The following FBXW7 variants were observed in gnomAD, a reference collection of about 807,000 sequenced individuals.
The protein encoded by FBXW7 is F-box and WD repeat domain containing 7, also known as F-box/WD repeat-containing protein 7.
Under a neutral mutation model 86.3 loss-of-function variants are expected in FBXW7, and 11 were observed. The observed-to-expected ratio is 0.13, with a 90% CI of 0.08 to 0.21. FBXW7 has a LOEUF of 0.21. FBXW7 is among the 10% of genes least tolerant of loss of function. FBXW7 has a pLI of 1.00. For synonymous variants in FBXW7, 313 were observed against 297.9 expected, an observed-to-expected ratio of 1.05 and a Z score of -0.52; for missense variants, 488 against 847.4, an observed-to-expected ratio of 0.58 and a Z score of 5.27.
chr4:152,439,821 G>A (rs563322905), intron 2 of FBXW7, among the ~76,000 whole-genome samples: 2 of 148,326 alleles, frequency 1.3e-5, no homozygotes, highest in African/African-American at 2.5e-5. Context: ...AGCCAAGATC[G>A]TGCCACTGCA....
chr4:152,439,865 C>CAA (rs35657415), intron 2 of FBXW7, among the ~76,000 whole-genome samples: 38 of 56,996 alleles, frequency 6.7e-4, no homozygotes, highest in Admixed American at 1.3e-3. Flanking sequence ...GACTCCGTCA[C>CAA]AAAAAAAAAA....
At chr4:152,328,499 G>T in intron 10 of FBXW7, 110 bp from the exon 11 acceptor site, 1 of 672,460 alleles carries the variant, frequency 1.5e-6, no homozygotes, top group Non-Finnish European at 2.4e-6. Flanking sequence ...AATTTGTTTG[G>T]CTCTTCAGAA....
chr4:152,414,272 T>C (rs892451883), intron 2 of FBXW7, among the ~76,000 whole-genome samples: 1 of 152,124 alleles, frequency 6.6e-6, no homozygotes, highest in Non-Finnish European at 1.5e-5. Flanking sequence ...CTTCAGGCTA[T>C]GTTTGGGGGC....
chr4:152,372,818 A>C (rs980776413), intron 4 of FBXW7, among the ~76,000 whole-genome samples: 57 of 152,022 alleles, frequency 3.7e-4, no homozygotes, highest in African/African-American at 1.4e-3. Context: ...TGTTACATAA[A>C]AGACAAAATC....
At chr4:152,469,120 T>C (rs1337072993) in intron 2 of FBXW7, among the ~76,000 whole-genome samples, 3 of 152,092 alleles carry the variant, frequency 2.0e-5, no homozygotes, top group Non-Finnish European at 2.9e-5. Flanking sequence ...AAGAAGCCAA[T>C]GCTTATCACT....
At chr4:152,459,562 T>C (rs1041738049) in intron 2 of FBXW7, among the ~76,000 whole-genome samples, 3 of 152,120 alleles carry the variant, frequency 2.0e-5, no homozygotes, top group African/African-American at 7.2e-5. Context: ...CTTATATTCA[T>C]ACAGCAGCGA....
chr4:152,325,302 A>C lies in FBXW7; in HGVS notation c.1644+704T>G, dbSNP rs1165446439. On this transcript the variant is annotated intron_variant, in intron 12 of 13. Transcript: ENST00000281708. ...ATTGACAGTACTAAGATTATGTACT[A>C]ATTTGCTGAACATTAATGGGTAATA... 3 of 152,196 alleles carry C rather than the reference A, an allele frequency of 2.0e-5. No homozygotes were observed. The East Asian group carries it at 5.8e-4, about 29-fold the overall frequency. The allele number at this position is 152,196 out of a possible 1,614,324, so 9.4% of individuals were successfully genotyped here.
intron 2 of FBXW7, chr4:152,530,853 A>G (rs374813828): frequency 6.6e-6 from 1 of 152,252 alleles, no homozygotes. Flanking sequence ...CTTTCACACT[A>G]TAAGAACAGA....
chr4:152,440,513 T>C (rs1213465399), intron 2 of FBXW7, among the ~76,000 whole-genome samples: 2 of 152,192 alleles, frequency 1.3e-5, no homozygotes, highest in Non-Finnish European at 2.9e-5. Context: ...AAATTTAATT[T>C]TGGTAACACA....
chr4:152,439,744 T>C (rs1740709577), intron 2 of FBXW7, among the ~76,000 whole-genome samples: 1 of 151,522 alleles, frequency 6.6e-6, no homozygotes, highest in African/African-American at 2.4e-5. Context: ...CAGGCACCTG[T>C]AGTCCCAGCT....
intron 2 of FBXW7, among the ~76,000 whole-genome samples, chr4:152,474,123 TA>T (rs1170000005): frequency 6.6e-6 from 1 of 152,188 alleles, no homozygotes; most frequent in African/African-American, 2.4e-5. Flanking sequence ...CAGAATCAGA[TA>T]AAGGCTTATT....
At chr4:152,344,305 C>T (rs1463910987) in intron 6 of FBXW7, among the ~76,000 whole-genome samples, 2 of 152,158 alleles carry the variant, frequency 1.3e-5, no homozygotes, top group Admixed American at 6.5e-5. Context: ...CAGAGACAGA[C>T]ATGGTACTCA....
At chr4:152,352,346 C>T (rs1731893389) in intron 4 of FBXW7, 2 of 1,105,840 alleles carry the variant, frequency 1.8e-6, no homozygotes, top group African/African-American at 3.2e-5. Flanking sequence ...AAACAGAATA[C>T]CAGACATCCA....
Position 152,323,106 on chromosome 4 carries a change from G to A in FBXW7, c.1899C>T (p.Asn633=), listed in dbSNP as rs2126465309. The change falls in exon 14 of 14, where the codon AAC becomes AAT. Residue 633 remains asparagine (N), a synonymous_variant. Coordinates refer to ENST00000281708, the MANE Select transcript of FBXW7 (RefSeq NM_001349798.2). ...CTGAGCTGGTAATTACAAAGTTCTT[G>A]TTGAACTGTAAACAGGTCACAGCAC... ...HQSAVTCLQF[N]KNFVITSSDD... 6.2e-7 allele frequency: 1 copy of A among 1,613,722 alleles called. No individual in the cohort carries two copies. Among genetic ancestry groups the A allele is most frequent in the Non-Finnish European group, 8.5e-7 (1 of 1,179,796 alleles).
At chr4:152,513,536 A>G (rs935540951) in intron 2 of FBXW7, among the ~76,000 whole-genome samples, 3 of 152,256 alleles carry the variant, frequency 2.0e-5, no homozygotes, top group African/African-American at 7.2e-5. Flanking sequence ...ACAGGAAGGA[A>G]TTATGACAAA....
At chr4:152,419,919 T>C (rs1455765610) in intron 2 of FBXW7, among the ~76,000 whole-genome samples, 2 of 152,174 alleles carry the variant, frequency 1.3e-5, no homozygotes, top group Admixed American at 6.6e-5. Context: ...TGGGGGGTCT[T>C]ATCTTGATAT....
chr4:152,403,436 C>A (rs1329315258), intron 4 of FBXW7, among the ~76,000 whole-genome samples: 1 of 151,202 alleles, frequency 6.6e-6, no homozygotes, highest in Non-Finnish European at 1.5e-5. Context: ...TGAGATTGCA[C>A]CACTGCACTC....
chr4:152,453,315 T>G (rs1742084764), intron 2 of FBXW7, among the ~76,000 whole-genome samples: 1 of 152,240 alleles, frequency 6.6e-6, no homozygotes, highest in Admixed American at 6.5e-5. Context: ...CATTTTCCCC[T>G]GTAAATCCCA....
chr4:152,534,664 A>G (rs1750332965), intron 2 of FBXW7, among the ~76,000 whole-genome samples: 1 of 152,136 alleles, frequency 6.6e-6, no homozygotes, highest in Non-Finnish European at 1.5e-5. Context: ...GGCTTCCTCA[A>G]TTTCCCTTTG....
Sources: allele counts gnomAD v4.1 joint callset (sites outside exome capture counted in the v4.1 genomes callset), GRCh38; gene constraint gnomAD v4.1.1; transcripts MANE v1.5; gene names NCBI Gene and HGNC (gene_info 2026-07-23, HGNC 2026-07-21).